The following SRD5A2 variants were observed in gnomAD, a reference collection of about 807,000 sequenced individuals.
SRD5A2 encodes the protein 3-oxo-5-alpha-steroid 4-dehydrogenase 2.
In SRD5A2, 30 loss-of-function variants were observed where a neutral mutation model predicts 27.4. The ratio of observed to expected loss-of-function variants is 1.10; its 90% CI spans 0.82 to 1.49. The LOEUF is 1.49. SRD5A2 is among the 40% of genes most tolerant of loss of function. The pLI, the probability that SRD5A2 is intolerant of heterozygous loss-of-function variation, is 0.00. For synonymous variants in SRD5A2, 141 were observed against 133.6 expected (o/e 1.06, Z -0.38); for missense variants, 348 against 323.4 (o/e 1.08, Z -0.58).
At chr2:31,610,524 G>C in the SRD5A2 span, among the ~76,000 whole-genome samples, 2 of 152,046 alleles carry the variant, frequency 1.3e-5, no homozygotes, top group Non-Finnish European at 2.9e-5. Context: ...CAAGCCCACA[G>C]CTATCATACT....
chr2:31,572,029 G>A (rs921963690), intron 1 of SRD5A2, among the ~76,000 whole-genome samples: 5 of 66,450 alleles, frequency 7.5e-5, no homozygotes, highest in Non-Finnish European at 1.4e-4. Flanking sequence ...ACATGCATGT[G>A]CATGCTCATT....
intron 1 of SRD5A2, among the ~76,000 whole-genome samples, chr2:31,559,000 G>C (rs1011065180): frequency 1.3e-5 from 2 of 152,178 alleles, no homozygotes; most frequent in African/African-American, 4.8e-5. Flanking sequence ...CATGAATTTA[G>C]GAGAGACATG....
At chr2:31,574,516 C>T (rs1666916818) in intron 1 of SRD5A2, among the ~76,000 whole-genome samples, 2 of 152,124 alleles carry the variant, frequency 1.3e-5, no homozygotes, top group African/African-American at 4.8e-5. Context: ...GAAGTGGTCA[C>T]GATCTCCAAA....
At chr2:31,602,799 A>T in the SRD5A2 span, among the ~76,000 whole-genome samples, 1 of 151,752 alleles carries the variant, frequency 6.6e-6, no homozygotes, top group Non-Finnish European at 1.5e-5. Flanking sequence ...CAAAAAAAAG[A>T]AAAACAGCAA....
chr2:31,639,518 T>C, the SRD5A2 span, among the ~76,000 whole-genome samples: 1 of 152,152 alleles, frequency 6.6e-6, no homozygotes, highest in African/African-American at 2.4e-5. Context: ...TATTTTTTTA[T>C]ACGAAAGGAT....
At chr2:31,628,617 T>TCTTTGCATA in the SRD5A2 span, among the ~76,000 whole-genome samples, 1 of 152,342 alleles carries the variant, frequency 6.6e-6, no homozygotes, top group East Asian at 1.9e-4. Context: ...AATGGTCTTT[T>TCTTTGCATA]CTTTGCATAT....
At chr2:31,587,836 C>G in the SRD5A2 span, among the ~76,000 whole-genome samples, 1 of 152,058 alleles carries the variant, frequency 6.6e-6, no homozygotes, top group Admixed American at 6.6e-5. Context: ...GAAGGTGCAG[C>G]AAACTACCAT....
the SRD5A2 span, among the ~76,000 whole-genome samples, chr2:31,589,770 C>G: frequency 6.6e-6 from 1 of 152,054 alleles, no homozygotes; most frequent in Non-Finnish European, 1.5e-5. Flanking sequence ...GGGAAGTGCA[C>G]ATACAATTGC....
intron 1 of SRD5A2, among the ~76,000 whole-genome samples, chr2:31,565,555 G>C (rs1034415354): frequency 3.3e-5 from 5 of 151,904 alleles, no homozygotes; most frequent in African/African-American, 4.8e-5. Flanking sequence ...GAAATCTGTA[G>C]TGGCTAAGTT....
Position 31,559,433 on chromosome 2 carries a change from A to G in SRD5A2, c.281+21187T>C, listed in dbSNP as rs74324907. On this transcript the variant is annotated intron_variant, in intron 1 of 4. Coordinates refer to ENST00000622030, the MANE Select transcript of SRD5A2 (RefSeq NM_000348.4). ...TGTTTTTTAGAAAGTGTTTCTTACT[A>G]AGTGATACCATATTTTAACTGAGCC... Among the ~76,000 whole-genome samples, 47 of 152,316 alleles carry G rather than the reference A, an allele frequency of 3.1e-4. No individual in the cohort carries two copies. The East Asian group carries it at 8.7e-3, about 28-fold the overall frequency.
At chr2:31,531,134 G>A (rs906891839) in intron 3 of SRD5A2, among the ~76,000 whole-genome samples, 1 of 152,204 alleles carries the variant, frequency 6.6e-6, no homozygotes, top group East Asian at 1.9e-4. Context: ...CCCACCTTCC[G>A]GGTATTGCGG....
At chr2:31,602,456 C>G in the SRD5A2 span, among the ~76,000 whole-genome samples, 4 of 152,008 alleles carry the variant, frequency 2.6e-5, no homozygotes, top group African/African-American at 7.2e-5. Flanking sequence ...TAGGAAGAAT[C>G]AATATTGCGA....
the SRD5A2 span, among the ~76,000 whole-genome samples, chr2:31,611,264 A>G: frequency 2.6e-5 from 4 of 152,186 alleles, no homozygotes; most frequent in Non-Finnish European, 5.9e-5. Flanking sequence ...TACCAAAATT[A>G]TAGATTCATG....
intron 1 of SRD5A2, among the ~76,000 whole-genome samples, chr2:31,569,680 A>AAC (rs1553328059): frequency 1.3e-5 from 2 of 150,208 alleles, no homozygotes; most frequent in African/African-American, 4.9e-5. Context: ...CAAAAAACAA[A>AAC]AAAAAAAAAA....
At chr2:31,584,422 T>C (rs1362609990), upstream of SRD5A2, among the ~76,000 whole-genome samples, 1 of 152,162 alleles carries the variant, frequency 6.6e-6, no homozygotes, top group East Asian at 1.9e-4. Flanking sequence ...ATTCCTAAAA[T>C]TACTAGGCAT....
Position 31,523,928 on chromosome 2 carries a change from G to C in SRD5A2, c.*2268C>G, listed in dbSNP as rs937321349. On this transcript the variant is annotated 3_prime_UTR_variant, in exon 5 of 5. Transcript: ENST00000622030. ...AGGTTTCAGCTTTCATAGAGTTCAC[G>C]CTACTCTACCCTATATTCAGATTAA... The C allele has an allele frequency of 4.6e-6, 1 of 217,900 alleles. No individual in the cohort carries two copies. Among genetic ancestry groups the C allele is most frequent in the African/African-American group, 2.2e-5 (1 of 44,488 alleles). 13.5% of individuals were successfully genotyped at this position (217,900 alleles called of 1,614,324 possible).
the SRD5A2 span, among the ~76,000 whole-genome samples, chr2:31,657,652 G>C: frequency 6.7e-6 from 1 of 149,350 alleles, no homozygotes; most frequent in African/African-American, 2.4e-5. Context: ...TCATGGTTTT[G>C]AAAAATTGGC....
intron 1 of SRD5A2, among the ~76,000 whole-genome samples, chr2:31,567,071 T>C (rs991913221): frequency 1.3e-5 from 2 of 152,194 alleles, no homozygotes; most frequent in Non-Finnish European, 2.9e-5. Context: ...TTTTGAAATA[T>C]ATATGGTAAT....
At chr2:31,585,064 G>C (rs1667152732), upstream of SRD5A2, among the ~76,000 whole-genome samples, 1 of 152,162 alleles carries the variant, frequency 6.6e-6, no homozygotes, top group South Asian at 2.1e-4. Context: ...AGGAAAGCCA[G>C]ACAAAGTTCA....
Sources: gnomAD v4.1 joint callset for allele counts (sites outside exome capture counted in the v4.1 genomes callset) on GRCh38, gnomAD v4.1.1 for gene constraint, MANE v1.5 for transcripts, NCBI Gene and HGNC (gene_info 2026-07-23, HGNC 2026-07-21) for gene names.